Variants in HIVEP3 observed in about 807,000 individuals in gnomAD.
HIVEP3 encodes transcription factor HIVEP3.
In HIVEP3, 49 loss-of-function variants were observed where a neutral mutation model predicts 152.8. That is an observed-to-expected ratio of 0.32 (90% CI 0.26 to 0.41). The LOEUF (loss-of-function observed/expected upper bound fraction) is 0.41, where lower values mean the gene tolerates loss of function less well. Ranked by LOEUF, HIVEP3 falls within the 10% of genes least tolerant of loss-of-function variation. The pLI is 1.00. For missense variants in HIVEP3, 2,790 were observed against 3,103.3 expected (o/e 0.90, Z 2.40); for synonymous variants, 1,269 against 1,289.0 (o/e 0.98, Z 0.33).
chr1:41,725,859 C>A (rs6668076), intron 1 of HIVEP3, among the ~76,000 whole-genome samples: 7 of 152,204 alleles, frequency 4.6e-5, no homozygotes, highest in Non-Finnish European at 1.0e-4. Flanking sequence ...GAAGCCTCCC[C>A]GACATTCTAT....
intron 1 of HIVEP3, among the ~76,000 whole-genome samples, chr1:41,942,519 T>C (rs1317322742): frequency 1.3e-5 from 2 of 152,220 alleles, no homozygotes; most frequent in South Asian, 2.1e-4. Flanking sequence ...TTAGCAAGAA[T>C]GCAGAGTGGT....
chr1:41,916,339 G>A (rs948020970), intron 1 of HIVEP3, among the ~76,000 whole-genome samples: 3 of 152,166 alleles, frequency 2.0e-5, no homozygotes, highest in African/African-American at 7.2e-5. Context: ...AACCCACTGG[G>A]GTGTTGAGGG....
At chr1:42,020,621 T>C (rs560681742) in intron 1 of HIVEP3, among the ~76,000 whole-genome samples, 22 of 152,318 alleles carry the variant, frequency 1.4e-4, no homozygotes, top group African/African-American at 5.1e-4. Flanking sequence ...CTCTATCATA[T>C]AAAAATTTCA....
chr1:41,550,717 A>T (rs574779333), intron 5 of HIVEP3, among the ~76,000 whole-genome samples: 10 of 152,318 alleles, frequency 6.6e-5, no homozygotes, highest in African/African-American at 2.4e-4. Context: ...ATTTTTGCAC[A>T]TTGATGTTGT....
At chr1:41,649,428 C>A (rs1028514158) in intron 2 of HIVEP3, among the ~76,000 whole-genome samples, 12 of 152,336 alleles carry the variant, frequency 7.9e-5, no homozygotes, top group South Asian at 2.1e-4. Flanking sequence ...GTCAACAGGC[C>A]ACACTGCAAG....
chr1:41,829,220 CT>C (rs1642891103), intron 1 of HIVEP3, among the ~76,000 whole-genome samples: 1 of 152,184 alleles, frequency 6.6e-6, no homozygotes, highest in Admixed American at 6.5e-5. Flanking sequence ...CTAAAAAAGT[CT>C]TTGCTTTTAT....
intron 1 of HIVEP3, among the ~76,000 whole-genome samples, chr1:41,898,527 C>T (rs1408947): frequency 0.53 from 80,980 of 152,156 alleles, 21,739 homozygotes; most frequent in Middle Eastern, 0.58. Flanking sequence ...AGGCAAGGAC[C>T]CTCAGGGCTG....
intron 2 of HIVEP3, among the ~76,000 whole-genome samples, chr1:41,687,967 G>T (rs1462616240): frequency 1.3e-5 from 2 of 152,178 alleles, no homozygotes; most frequent in African/African-American, 4.8e-5. Flanking sequence ...CCCAGCCACA[G>T]CTCCAGATGA....
intron 5 of HIVEP3, 51 bp from the exon 6 acceptor site, chr1:41,524,961 G>C: frequency 6.5e-7 from 1 of 1,546,794 alleles, no homozygotes; most frequent in African/African-American, 1.4e-5. Flanking sequence ...GAAGAGGCAG[G>C]TTCCCACCTC....
intron 1 of HIVEP3, among the ~76,000 whole-genome samples, chr1:41,831,549 A>T (rs1642965630): frequency 6.6e-6 from 1 of 152,226 alleles, no homozygotes; most frequent in African/African-American, 2.4e-5. Context: ...TGCCAATTTC[A>T]TTATTATACC....
chr1:41,866,488 G>A (rs1019507181), intron 1 of HIVEP3, among the ~76,000 whole-genome samples: 10 of 152,250 alleles, frequency 6.6e-5, no homozygotes, highest in Admixed American at 5.2e-4. Flanking sequence ...AGGGCAGGCT[G>A]CTTGCCAAGG....
intron 1 of HIVEP3, among the ~76,000 whole-genome samples, chr1:41,734,040 A>C: frequency 6.9e-6 from 1 of 144,200 alleles, no homozygotes; most frequent in Non-Finnish European, 1.5e-5. Context: ...CTCAGCCCTC[A>C]CCCCCTCCTT....
intron 1 of HIVEP3, among the ~76,000 whole-genome samples, chr1:41,712,916 T>A (rs749417356): frequency 3.3e-5 from 5 of 152,166 alleles, no homozygotes; most frequent in Non-Finnish European, 7.4e-5. Flanking sequence ...TGACAGGAGA[T>A]CCTTGGCCTC....
intron 1 of HIVEP3, among the ~76,000 whole-genome samples, chr1:42,017,761 CAT>C (rs1421064879): frequency 1.3e-5 from 2 of 151,918 alleles, no homozygotes; most frequent in Non-Finnish European, 2.9e-5. Context: ...ATATATACTA[CAT>C]TTGTTTGTCA....
intron 5 of HIVEP3, among the ~76,000 whole-genome samples, chr1:41,544,994 C>T (rs866824925): frequency 2.5e-5 from 2 of 79,314 alleles, no homozygotes; most frequent in African/African-American, 4.6e-5. Flanking sequence ...CCACCACCAT[C>T]GCTACCATCA....
At chr1:41,944,617 C>T (rs945702382) in intron 1 of HIVEP3, among the ~76,000 whole-genome samples, 1 of 152,126 alleles carries the variant, frequency 6.6e-6, no homozygotes, top group Non-Finnish European at 1.5e-5. Context: ...TGGTAAAGGA[C>T]CACTGGAATC....
chr1:41,644,183 G>A (rs1221431946), intron 2 of HIVEP3, among the ~76,000 whole-genome samples: 1 of 152,054 alleles, frequency 6.6e-6, no homozygotes, highest in East Asian at 1.9e-4. Flanking sequence ...ACCGTGCCTG[G>A]CAAACCTTCC....
chr1:41,863,883 T>C (rs1643920932), intron 1 of HIVEP3, among the ~76,000 whole-genome samples: 1 of 152,210 alleles, frequency 6.6e-6, no homozygotes, highest in South Asian at 2.1e-4. Context: ...GAGCTGATTA[T>C]TGCAGGAAAT....
intron 1 of HIVEP3, among the ~76,000 whole-genome samples, chr1:41,902,985 C>G (rs1190150639): frequency 6.6e-6 from 1 of 152,162 alleles, no homozygotes; most frequent in African/African-American, 2.4e-5. Flanking sequence ...TTTAGAAATA[C>G]TTAGAAGTCA....
Sources: gnomAD v4.1 joint callset for allele counts (sites outside exome capture counted in the v4.1 genomes callset) on GRCh38, gnomAD v4.1.1 for gene constraint, MANE v1.5 for transcripts, NCBI Gene and HGNC (gene_info 2026-07-23, HGNC 2026-07-21) for gene names.